Variants in KCNQ1OT1 observed in about 807,000 individuals in gnomAD.
The protein encoded by KCNQ1OT1 is KCNQ1 antisense RNA 2 (non-protein coding).
In KCNQ1OT1 at chr11:2,691,937, G is replaced by T. The variant is rs1250852667; in HGVS notation, n.8058C>A. 1 of 398,422 alleles carries T rather than the reference G, an allele frequency of 2.5e-6. No homozygotes were observed. Among genetic ancestry groups the T allele is most frequent in the Non-Finnish European group, 4.4e-6 (1 of 226,130 alleles). The allele number at this position is 398,422 out of a possible 1,614,324, so 24.7% of individuals were successfully genotyped here. A position where few individuals can be genotyped will look rare whatever the true frequency, so the allele number is the denominator to read the frequency against. The stretch of plus-strand genomic sequence containing the variant: ...GTCTCCTTGGCAGGTTTTCCCTTCT[G>T]GCATGGCCACTAAATGCCAGTGCCT... On this transcript the variant is annotated non_coding_transcript_exon_variant, in exon 1 of 1. Transcript: ENST00000597346. This position sits in a 1 kb window ranked among gnomAD's most constrained non-coding sequence, Gnocchi z 6.4.
In KCNQ1OT1 at chr11:2,682,394, G is replaced by A; in HGVS notation, n.17601C>T. ...CACATTCAAGGAGCATGAGGGTATA[G>A]GCTGGCTGTTTCTATTCAGTGTTTT... On this transcript the variant is annotated non_coding_transcript_exon_variant, in exon 1 of 1. Transcript: ENST00000597346. This position sits in a 1 kb window ranked among gnomAD's most constrained non-coding sequence, Gnocchi z 5.8. The A allele has an allele frequency of 2.5e-6, 1 of 398,650 alleles. No homozygotes were observed. The highest frequency in any genetic ancestry group is 4.4e-6 in the Non-Finnish European group (1 of 226,092). The allele number at this position is 398,650 out of a possible 1,614,324, so 24.7% of individuals were successfully genotyped here.
At chr11:2,638,915 T>A (rs1849524266) in exon 1 of KCNQ1OT1, 1 of 152,186 alleles carries the variant, frequency 6.6e-6, no homozygotes, top group South Asian at 2.1e-4. Flanking sequence ...GTTCGTTTGT[T>A]TTTACTCTTT....
At chr11:2,662,750 GGCT>G in exon 1 of KCNQ1OT1, 1 of 399,536 alleles carries the variant, frequency 2.5e-6, no homozygotes, top group Non-Finnish European at 4.4e-6. Flanking sequence ...GTCCCATTCT[GGCT>G]GCTAACCCGT....
rs147870098 is a variant in KCNQ1OT1, at chr11:2,665,546, C to G, written n.34449G>C. ...CATCTAGAATGCCCTTGTCACCCAT[C>G]TGCAGCCACCAGATTTCCATTCATC... is the stretch of plus-strand genomic sequence containing the variant. On this transcript the variant is annotated non_coding_transcript_exon_variant, in exon 1 of 1. Transcript: ENST00000597346. 1,159 of 394,612 alleles carry G rather than the reference C, an allele frequency of 2.9e-3. 7 individuals are homozygous for G. Among genetic ancestry groups the G allele is most frequent in the African/African-American group, 0.021 (976 of 46,964 alleles). The allele number at this position is 394,612 out of a possible 1,614,324, so 24.4% of individuals were successfully genotyped here.
At chr11:2,692,949 C>A (rs909663809) in exon 1 of KCNQ1OT1, 1 of 398,570 alleles carries the variant, frequency 2.5e-6, no homozygotes, top group African/African-American at 2.1e-5. Context: ...CCTGCCCATA[C>A]GCTCAATAAT....
chr11:2,664,761 C>T lies in KCNQ1OT1; in HGVS notation n.35234G>A. On this transcript the variant is annotated non_coding_transcript_exon_variant, in exon 1 of 1. Coordinates refer to ENST00000597346, the Ensembl canonical transcript of KCNQ1OT1. The surrounding 1 kb of genome is among the most constrained non-coding windows in gnomAD (Gnocchi z 5.1). ...GACAGGGATGTGTGCTGGGGTCTCA[C>T]AGGGGGCAGAGTGGGTGGGAGGCAG... 2.5e-6 allele frequency: 1 copy of T among 398,764 alleles called. No individual in the cohort carries two copies. Among genetic ancestry groups the T allele is most frequent in the Middle Eastern group, 6.3e-4 (1 of 1,592 alleles). The allele number at this position is 398,764 out of a possible 1,614,324, so 24.7% of individuals were successfully genotyped here.
At chr11:2,619,712 A>ATTTT (rs35618307) in exon 1 of KCNQ1OT1, 5 of 368,060 alleles carry the variant, frequency 1.4e-5, no homozygotes, top group African/African-American at 8.9e-5. Context: ...CTTTAGCTGC[A>ATTTT]TTTTTTTTTT....
chr11:2,656,887 AT>A (rs1315203534), exon 1 of KCNQ1OT1: 1 of 398,470 alleles, frequency 2.5e-6, no homozygotes, highest in Non-Finnish European at 4.4e-6. Context: ...ACAAGAATGA[AT>A]TTTTGGTATA....
At chr11:2,619,066 G>T (rs903294047) in exon 1 of KCNQ1OT1, 8 of 398,280 alleles carry the variant, frequency 2.0e-5, no homozygotes, top group Non-Finnish European at 3.1e-5. Flanking sequence ...GTTCTAACAG[G>T]TTGCTTTGTC....
chr11:2,699,920 C>T (rs1275038880), exon 1 of KCNQ1OT1: 1 of 398,352 alleles, frequency 2.5e-6, no homozygotes, highest in Non-Finnish European at 4.4e-6. Context: ...CAGAATCGCG[C>T]TGAGGGGCGC....
At position 2,664,010 on chromosome 11, in the gene KCNQ1OT1, A is replaced by G. The variant is rs1479626206; in HGVS notation, n.35985T>C. On this transcript the variant is annotated non_coding_transcript_exon_variant, in exon 1 of 1. Coordinates refer to ENST00000597346, the Ensembl canonical transcript of KCNQ1OT1. The surrounding 1 kb of genome is among the most constrained non-coding windows in gnomAD (Gnocchi z 5.1). Reference sequence around the variant, plus strand: ...CTGCCCACTTTGGGTCTGGCACATTACCATTCTGCAAGATCCTGCAGCCTT... The same window carrying G: ...CTGCCCACTTTGGGTCTGGCACATTGCCATTCTGCAAGATCCTGCAGCCTT... 5.0e-6 allele frequency: 2 copies of G among 398,512 alleles called. No individual in the cohort carries two copies. The highest frequency in any genetic ancestry group is 8.8e-6 in the Non-Finnish European group (2 of 226,122). 24.7% of individuals were successfully genotyped at this position (398,512 alleles called of 1,614,324 possible).
chr11:2,608,917 C>T lies in KCNQ1OT1; in HGVS notation n.91078G>A. 2.5e-6 allele frequency: 1 copy of T among 398,380 alleles called. No individual in the cohort carries two copies. Among genetic ancestry groups the T allele is most frequent in the Non-Finnish European group, 4.4e-6 (1 of 226,008 alleles). The allele number at this position is 398,380 out of a possible 1,614,324, so 24.7% of individuals were successfully genotyped here. A position where few individuals can be genotyped will look rare whatever the true frequency, so the allele number is the denominator to read the frequency against. On this transcript the variant is annotated non_coding_transcript_exon_variant, in exon 1 of 1. Transcript: ENST00000597346. The surrounding 1 kb of genome is among the most constrained non-coding windows in gnomAD (Gnocchi z 4.6). ...CCTCCTCCCCCTCTTTCTTCCTCCC[C>T]TTCTTTTCTTCTCCCTCTCCCTCTC...
chr11:2,685,113 G>A (rs1253596397), exon 1 of KCNQ1OT1: 3 of 398,664 alleles, frequency 7.5e-6, no homozygotes, highest in South Asian at 2.5e-4. Context: ...TTGGCACGGG[G>A]GGTCTGATGG....
chr11:2,656,583 T>G (rs1479166508), exon 1 of KCNQ1OT1: 2 of 398,684 alleles, frequency 5.0e-6, no homozygotes, highest in East Asian at 7.1e-5. Flanking sequence ...ATTCCTCTTT[T>G]GTGATGTGCT....
Position 2,690,705 on chromosome 11 carries a change from C to G in KCNQ1OT1, n.9290G>C. The G allele has an allele frequency of 2.5e-6, 1 of 398,672 alleles. No homozygotes were observed. The highest frequency in any genetic ancestry group is 3.6e-5 in the East Asian group (1 of 28,078). The allele number at this position is 398,672 out of a possible 1,614,324, so 24.7% of individuals were successfully genotyped here. ...GGCTGTCTCTCAGAATTCCTGAGGGCTTTCCATTTGATCCCAGTGGTTGAA... is the reference window on the plus strand; with the variant it reads ...GGCTGTCTCTCAGAATTCCTGAGGGGTTTCCATTTGATCCCAGTGGTTGAA... On this transcript the variant is annotated non_coding_transcript_exon_variant, in exon 1 of 1. Coordinates refer to ENST00000597346, the Ensembl canonical transcript of KCNQ1OT1. The surrounding 1 kb of genome is among the most constrained non-coding windows in gnomAD (Gnocchi z 5.1).
rs192021272 is a variant in KCNQ1OT1, at chr11:2,671,384, T to A, written n.28611A>T. ...ATCCTGAAAAAGGTACAGGAACACCTGGCATGCCTCTCCCAGGGTACTCTG... is the reference window on the plus strand; with the variant it reads ...ATCCTGAAAAAGGTACAGGAACACCAGGCATGCCTCTCCCAGGGTACTCTG... On this transcript the variant is annotated non_coding_transcript_exon_variant, in exon 1 of 1. Transcript: ENST00000597346. The surrounding 1 kb of genome is among the most constrained non-coding windows in gnomAD (Gnocchi z 4.7). 1.0e-4 allele frequency: 41 copies of A among 398,556 alleles called. 1 individual carries two copies. The highest frequency in any genetic ancestry group is 3.5e-4 in the Admixed American group (8 of 22,740). 24.7% of individuals were successfully genotyped at this position (398,556 alleles called of 1,614,324 possible).
At chr11:2,649,986 A>C (rs1300396067) in exon 1 of KCNQ1OT1, 2 of 398,158 alleles carry the variant, frequency 5.0e-6, no homozygotes, top group African/African-American at 4.1e-5. Context: ...ATTCTTTTTT[A>C]TTGTTATTTT....
chr11:2,618,770 G>T, exon 1 of KCNQ1OT1: 1 of 398,312 alleles, frequency 2.5e-6, no homozygotes, highest in South Asian at 1.3e-4. Flanking sequence ...ATATTGATTT[G>T]GATATTATTG....
exon 1 of KCNQ1OT1, chr11:2,696,795 T>A (rs1048776494): frequency 1.5e-5 from 6 of 398,510 alleles, no homozygotes; most frequent in African/African-American, 8.2e-5. Flanking sequence ...TAGACTGGTA[T>A]AAATTTTGCT....
Sources: allele counts gnomAD v4.1 joint callset, GRCh38; gene constraint gnomAD v4.1.1; non-coding constraint Gnocchi (gnomAD v3.1); transcripts MANE v1.5; gene names NCBI Gene and HGNC (gene_info 2026-07-23, HGNC 2026-07-21).